The following CASK variants were observed in gnomAD, a reference collection of about 807,000 sequenced individuals.
CASK encodes peripheral plasma membrane protein CASK.
CASK carries 4 observed loss-of-function variants against 82.9 expected under a neutral mutation model. The ratio of observed to expected loss-of-function variants is 0.05; its 90% CI spans 0.02 to 0.11. The LOEUF (loss-of-function observed/expected upper bound fraction) is 0.11. Among genes scored for constraint, CASK ranks in the 10% least tolerant of loss-of-function variants. CASK has a pLI of 1.00. For synonymous variants in CASK, 259 were observed against 253.5 expected (o/e 1.02, Z -0.20); for missense variants, 358 against 720.9 (o/e 0.50, Z 5.76).
At chrX:41,691,253 A>G (rs1456395657) in intron 5 of CASK, among the ~76,000 whole-genome samples, 1 of 111,796 alleles carries the variant, frequency 8.9e-6, no homozygotes. Flanking sequence ...TTAAAAAGAT[A>G]TGCTCTGTGG....
chrX:41,827,995 C>T (rs899616312), intron 2 of CASK, among the ~76,000 whole-genome samples: 1 of 111,699 alleles, frequency 9.0e-6, no homozygotes, highest in East Asian at 2.8e-4. Context: ...AAATTACTGA[C>T]CACCTACAGT....
chrX:41,582,504 C>T (rs2065595463), intron 14 of CASK, among the ~76,000 whole-genome samples: 1 of 110,207 alleles, frequency 9.1e-6, no homozygotes, highest in African/African-American at 3.3e-5. Context: ...TTAGTAGAGA[C>T]AGGTTTCACC....
chrX:41,518,054 G>A lies in CASK; in HGVS notation c.*2366C>T, dbSNP rs41310645. 477 of 286,033 alleles carry A rather than the reference G, an allele frequency of 1.7e-3. 3 individuals carry two copies. The highest frequency in any genetic ancestry group is 0.013 in the African/African-American group (457 of 35,956). The allele number at this position is 286,033 out of a possible 1,213,427, so 23.6% of individuals were successfully genotyped here. On this transcript the variant is annotated 3_prime_UTR_variant, in exon 27 of 27. Coordinates refer to ENST00000378163, the MANE Select transcript of CASK (RefSeq NM_001367721.1). The stretch of plus-strand genomic sequence containing the variant: ...TGAGGATGAGTGCTACAGTGCTTGT[G>A]AATTGTGGGGCCACAGACATTTAAG...
intron 5 of CASK, among the ~76,000 whole-genome samples, chrX:41,735,325 T>C (rs900480391): frequency 1.8e-5 from 2 of 111,552 alleles, no homozygotes; most frequent in African/African-American, 6.5e-5. Flanking sequence ...TGAATATATA[T>C]CTGAATGGAA....
At chrX:41,716,519 C>A (rs1402807281) in intron 5 of CASK, among the ~76,000 whole-genome samples, 1 of 112,161 alleles carries the variant, frequency 8.9e-6, no homozygotes, top group Non-Finnish European at 1.9e-5. Flanking sequence ...GGGAGGAGTA[C>A]ACTGGTATAA....
chrX:41,548,614 G>A (rs2065054397), intron 21 of CASK, among the ~76,000 whole-genome samples: 1 of 111,376 alleles, frequency 9.0e-6, no homozygotes, highest in Admixed American at 9.6e-5. Flanking sequence ...TATTACCCAC[G>A]TGGCATACAG....
chrX:41,701,905 C>A (rs1474960958), intron 5 of CASK, among the ~76,000 whole-genome samples: 1 of 112,129 alleles, frequency 8.9e-6, no homozygotes. Context: ...TGTAGGGATG[C>A]AAGTTGGTAG....
intron 3 of CASK, among the ~76,000 whole-genome samples, chrX:41,747,479 G>T (rs144610074): frequency 3.7e-4 from 41 of 110,739 alleles, no homozygotes; most frequent in Non-Finnish European, 7.2e-4. Context: ...TTGCTCTGTC[G>T]CCCAGGCTGG....
At chrX:41,880,172 A>T (rs2071921803) in intron 1 of CASK, among the ~76,000 whole-genome samples, 1 of 111,690 alleles carries the variant, frequency 9.0e-6, no homozygotes, top group African/African-American at 3.3e-5. Context: ...AGCACTTCTA[A>T]AAGTGAAGAA....
chrX:41,814,746 A>T (rs1601860971), intron 2 of CASK, among the ~76,000 whole-genome samples: 1 of 112,009 alleles, frequency 8.9e-6, no homozygotes, highest in African/African-American at 3.2e-5. Flanking sequence ...ATAATAATAA[A>T]AAAAAAGAAA....
chrX:41,552,093 ATTT>A (rs1218077716), intron 21 of CASK, among the ~76,000 whole-genome samples: 2 of 91,981 alleles, frequency 2.2e-5, no homozygotes, highest in Admixed American at 1.2e-4. Context: ...CACCTGGCTA[ATTT>A]TTTTTTTTTT....
intron 2 of CASK, among the ~76,000 whole-genome samples, chrX:41,832,223 C>T (rs2070837211): frequency 9.0e-6 from 1 of 111,173 alleles, no homozygotes; most frequent in Admixed American, 9.5e-5. Context: ...TACAATTGAA[C>T]AGCTTTGGAC....
intron 24 of CASK, 139 bp from the exon 25 acceptor site, chrX:41,531,348 C>A: frequency 1.8e-6 from 1 of 541,579 alleles, no homozygotes; most frequent in Non-Finnish European, 3.3e-6. Context: ...CTGTTCTCAC[C>A]CCCAGTGGCT....
intron 1 of CASK, among the ~76,000 whole-genome samples, chrX:41,877,306 T>C (rs1008816659): frequency 9.0e-6 from 1 of 111,719 alleles, no homozygotes; most frequent in Non-Finnish European, 1.9e-5. Context: ...ATAGGGGAAT[T>C]AGACTGGTCT....
chrX:41,813,231 G>A (rs1011400743), intron 2 of CASK, among the ~76,000 whole-genome samples: 2 of 111,310 alleles, frequency 1.8e-5, no homozygotes, highest in Non-Finnish European at 3.8e-5. Flanking sequence ...CACGAAATTG[G>A]AAAAAACTAC....
At chrX:41,745,338 T>C (rs1210083637) in intron 4 of CASK, among the ~76,000 whole-genome samples, 186 bp downstream of exon 4, 4 of 112,334 alleles carry the variant, frequency 3.6e-5, no homozygotes, top group South Asian at 3.7e-4. Flanking sequence ...TGTTAATAGA[T>C]AAACTCATTG....
chrX:41,699,834 A>G (rs1384227540), intron 5 of CASK, among the ~76,000 whole-genome samples: 1 of 111,564 alleles, frequency 9.0e-6, no homozygotes, highest in Non-Finnish European at 1.9e-5. Context: ...AAGGTTTCTA[A>G]ATTTTTAGAA....
At chrX:41,608,134 A>G (rs1602338502) in intron 12 of CASK, among the ~76,000 whole-genome samples, 1 of 112,190 alleles carries the variant, frequency 8.9e-6, no homozygotes, top group Middle Eastern at 4.6e-3. Flanking sequence ...CTCTTAGCTG[A>G]GCTTTTCCCA....
chrX:41,832,703 T>C (rs756784822), intron 2 of CASK, among the ~76,000 whole-genome samples: 1 of 112,852 alleles, frequency 8.9e-6, no homozygotes, highest in South Asian at 3.7e-4. Flanking sequence ...CAGATCAATA[T>C]ATAACCTTAT....
Sources: gnomAD v4.1 joint callset for allele counts (sites outside exome capture counted in the v4.1 genomes callset) on GRCh38, gnomAD v4.1.1 for gene constraint, MANE v1.5 for transcripts, NCBI Gene and HGNC (gene_info 2026-07-23, HGNC 2026-07-21) for gene names.